The following ARHGAP31 variants were observed in gnomAD, a reference collection of about 807,000 sequenced individuals.
ARHGAP31 encodes the protein rho GTPase-activating protein 31.
Under a neutral mutation model 113.9 loss-of-function variants are expected in ARHGAP31, and 34 were observed. The observed-to-expected ratio is 0.30, with a 90% CI of 0.23 to 0.40. The LOEUF is 0.40. Ranked by LOEUF, ARHGAP31 falls within the 10% of genes least tolerant of loss-of-function variation. The probability of loss-of-function intolerance (pLI) is 1.00; values close to 1 mark genes in which losing one functional copy is unlikely to be tolerated. For synonymous variants in ARHGAP31, 650 were observed against 684.8 expected, an observed-to-expected ratio of 0.95 and a Z score of 0.79; for missense variants, 1,548 against 1,767.1, an observed-to-expected ratio of 0.88 and a Z score of 2.22.
chr3:119,298,190 C>G (rs1443305007), intron 1 of ARHGAP31, among the ~76,000 whole-genome samples: 1 of 152,210 alleles, frequency 6.6e-6, no homozygotes, highest in Non-Finnish European at 1.5e-5. Context: ...CCCTCCAACA[C>G]AGTGGCTGCT....
chr3:119,397,217 A>C (rs9846036), intron 8 of ARHGAP31, among the ~76,000 whole-genome samples: 99,141 of 152,042 alleles, frequency 0.65, 32,593 homozygotes, highest in African/African-American at 0.72. Context: ...GGGACTGTCC[A>C]CCAAGCCACA....
intron 3 of ARHGAP31, among the ~76,000 whole-genome samples, chr3:119,377,766 T>A (rs868581794): frequency 4.6e-5 from 7 of 151,818 alleles, no homozygotes; most frequent in Non-Finnish European, 7.4e-5. Context: ...TTTTTTTTTT[T>A]AATTATGTGC....
At chr3:119,346,392 TC>T (rs916364839) in intron 1 of ARHGAP31, among the ~76,000 whole-genome samples, 1 of 152,192 alleles carries the variant, frequency 6.6e-6, no homozygotes, top group African/African-American at 2.4e-5. Context: ...CAGCTGGCTG[TC>T]CCCTCTCTCC....
At chr3:119,340,472 AC>A (rs778901432) in intron 1 of ARHGAP31, among the ~76,000 whole-genome samples, 1 of 152,228 alleles carries the variant, frequency 6.6e-6, no homozygotes, top group African/African-American at 2.4e-5. Context: ...GGATTTAGTG[AC>A]CAATTAGATA....
chr3:119,388,632 G>A (rs1055991465), intron 6 of ARHGAP31, among the ~76,000 whole-genome samples: 3 of 152,118 alleles, frequency 2.0e-5, no homozygotes, highest in Admixed American at 2.0e-4. Context: ...AAAGTGGCTG[G>A]GTTCCGGATG....
intron 1 of ARHGAP31, among the ~76,000 whole-genome samples, chr3:119,335,652 G>A (rs1053477238): frequency 6.6e-6 from 1 of 152,224 alleles, no homozygotes; most frequent in Non-Finnish European, 1.5e-5. Flanking sequence ...ACAGCAGTGG[G>A]GGTCTGCACT....
chr3:119,334,766 A>G (rs999413753), intron 1 of ARHGAP31, among the ~76,000 whole-genome samples: 4 of 152,252 alleles, frequency 2.6e-5, no homozygotes, highest in African/African-American at 7.2e-5. Flanking sequence ...ACAAGCGTGC[A>G]TTATTCATTT....
intron 10 of ARHGAP31, among the ~76,000 whole-genome samples, chr3:119,404,086 A>G (rs16829809): frequency 0.16 from 25,016 of 152,040 alleles, 2,234 homozygotes; most frequent in South Asian, 0.25. Context: ...CTGGAAAACG[A>G]TGTCATGGGC....
chr3:119,304,382 A>C (rs2079612088), intron 1 of ARHGAP31, among the ~76,000 whole-genome samples: 1 of 152,156 alleles, frequency 6.6e-6, no homozygotes, highest in Admixed American at 6.5e-5. Context: ...AAAATCAGTA[A>C]AATTATAAAA....
intron 1 of ARHGAP31, among the ~76,000 whole-genome samples, chr3:119,300,804 G>A (rs2079575388): frequency 6.7e-6 from 1 of 148,810 alleles, no homozygotes; most frequent in African/African-American, 2.5e-5. Flanking sequence ...TCCAGCCTGG[G>A]CGACAGAGCC....
At chr3:119,363,412 C>CCA (rs1007585901) in intron 1 of ARHGAP31, among the ~76,000 whole-genome samples, 1 of 152,152 alleles carries the variant, frequency 6.6e-6, no homozygotes, top group African/African-American at 2.4e-5. Flanking sequence ...CACCCTACTC[C>CCA]CACGCTGTGC....
At chr3:119,376,372 C>T (rs1205539410) in intron 3 of ARHGAP31, among the ~76,000 whole-genome samples, 1 of 152,020 alleles carries the variant, frequency 6.6e-6, no homozygotes, top group African/African-American at 2.4e-5. Context: ...GCCTGTAATC[C>T]CAGCTACTCG....
intron 3 of ARHGAP31, 55 bp from the exon 4 acceptor site, chr3:119,380,849 A>T: frequency 6.8e-7 from 1 of 1,471,594 alleles, no homozygotes; most frequent in Non-Finnish European, 9.5e-7. Context: ...GCACATGCAG[A>T]TGGCTGTCCC....
At chr3:119,403,775 C>A (rs2080635166) in intron 10 of ARHGAP31, among the ~76,000 whole-genome samples, 1 of 152,132 alleles carries the variant, frequency 6.6e-6, no homozygotes. Flanking sequence ...GCATTCTGAG[C>A]AGCTACATGT....
intron 1 of ARHGAP31, among the ~76,000 whole-genome samples, chr3:119,321,742 G>A (rs1206910072): frequency 1.3e-5 from 2 of 152,064 alleles, no homozygotes; most frequent in African/African-American, 4.8e-5. Flanking sequence ...TCTACCTCTC[G>A]GGCTCAAGTG....
intron 1 of ARHGAP31, among the ~76,000 whole-genome samples, chr3:119,319,231 A>G (rs978939524): frequency 6.6e-6 from 1 of 151,156 alleles, no homozygotes; most frequent in Non-Finnish European, 1.5e-5. Context: ...CATATATTAA[A>G]AAAAAAAAAA....
chr3:119,312,604 A>T (rs1330349609), intron 1 of ARHGAP31, among the ~76,000 whole-genome samples: 1 of 152,262 alleles, frequency 6.6e-6, no homozygotes, highest in South Asian at 2.1e-4. Context: ...ATAAAATAAA[A>T]TAACAAAAGC....
chr3:119,300,842 A>AAAAAGAAAG (rs1431506932), intron 1 of ARHGAP31, among the ~76,000 whole-genome samples: 30 of 139,038 alleles, frequency 2.2e-4, no homozygotes, highest in Non-Finnish European at 3.6e-4. Flanking sequence ...AAAAAAAAAA[A>AAAAAGAAAG]AAAGAAAGAA....
chr3:119,376,611 A>G (rs2080351107), intron 3 of ARHGAP31, among the ~76,000 whole-genome samples: 1 of 151,704 alleles, frequency 6.6e-6, no homozygotes, highest in Non-Finnish European at 1.5e-5. Context: ...CCTTCACTTC[A>G]TCTTTGCCTC....
Sources: allele counts gnomAD v4.1 joint callset (sites outside exome capture counted in the v4.1 genomes callset), GRCh38; gene constraint gnomAD v4.1.1; transcripts MANE v1.5; gene names NCBI Gene and HGNC (gene_info 2026-07-23, HGNC 2026-07-21).